The following DLGAP4 variants were observed in gnomAD, a reference collection of about 807,000 sequenced individuals.
The protein encoded by DLGAP4 is disks large-associated protein 4.
A neutral mutation model predicts 86.9 loss-of-function variants in DLGAP4; 18 were observed. The ratio of observed to expected loss-of-function variants is 0.21; its 90% CI spans 0.14 to 0.31. The LOEUF (loss-of-function observed/expected upper bound fraction) is 0.31. DLGAP4 is among the 10% of genes least tolerant of loss of function. The probability of loss-of-function intolerance (pLI) is 1.00; values close to 1 mark genes in which losing one functional copy is unlikely to be tolerated. For synonymous variants in DLGAP4, 548 were observed against 574.3 expected, an observed-to-expected ratio of 0.95 and a Z score of 0.65; for missense variants, 1,085 against 1,362.6, an observed-to-expected ratio of 0.80 and a Z score of 3.21.
At chr20:36,455,472 C>T (rs2033856445) in intron 7 of DLGAP4, among the ~76,000 whole-genome samples, 1 of 152,204 alleles carries the variant, frequency 6.6e-6, no homozygotes, top group African/African-American at 2.4e-5. Context: ...TGCAAGCACA[C>T]AGGCACACAC....
intron 10 of DLGAP4, among the ~76,000 whole-genome samples, chr20:36,519,386 T>G (rs1346130250): frequency 6.6e-6 from 1 of 152,170 alleles, no homozygotes; most frequent in Non-Finnish European, 1.5e-5. Context: ...ATGTTCCATG[T>G]GTGAGAAGTA....
intron 1 of DLGAP4, among the ~76,000 whole-genome samples, chr20:36,330,170 A>G (rs142037976): frequency 9.3e-4 from 142 of 152,328 alleles, no homozygotes; most frequent in African/African-American, 3.4e-3. Flanking sequence ...CAAGAAAAAA[A>G]TGACAATTAA....
Position 36,393,571 on chromosome 20 carries a change from C to T in DLGAP4, c.-73+26296C>T, listed in dbSNP as rs1292063459. 6.6e-6 allele frequency among the ~76,000 whole-genome samples: 1 copy of T among 152,086 alleles called. No individual in the cohort carries two copies. The highest frequency in any genetic ancestry group is 1.5e-5 in the Non-Finnish European group (1 of 68,004). On this transcript the variant is annotated intron_variant, in intron 2 of 12. Transcript: ENST00000339266. This position sits in a 1 kb window ranked among gnomAD's most constrained non-coding sequence, Gnocchi z 4.4. ...CTCCACACCGAGCCCCTGGGGAGCA[C>T]AGGGAAGCGAGCCAGCCGCTGTGGA...
Position 36,368,601 on chromosome 20 carries a change from C to T in DLGAP4, c.-73+1326C>T, listed in dbSNP as rs904046909. ...GTCTGTTGTTGCGGCTGCAAATAGC[C>T]GTTGCTTTTGGCTGAGAAGCTGGTG... On this transcript the variant is annotated intron_variant, in intron 2 of 12. Transcript: ENST00000339266. Among the ~76,000 whole-genome samples, 7 of 152,128 alleles carry T rather than the reference C, an allele frequency of 4.6e-5. No individual in the cohort carries two copies. In the South Asian group the frequency reaches 8.3e-4, roughly 18 times the overall value.
rs576992731 is a variant in DLGAP4 at position 36,475,681 on chromosome 20, C to A, written c.1649-21024C>A. On this transcript the variant is annotated intron_variant, in intron 7 of 12. Transcript: ENST00000339266. ...GGCAGATTATTAACCAGCCCTTGCT[C>A]ACAAATACAGTTAACTCAAATCAGA... 5.3e-5 allele frequency among the ~76,000 whole-genome samples: 8 copies of A among 152,294 alleles called. No homozygotes were observed. In the East Asian group the frequency reaches 1.5e-3, roughly 29 times the overall value.
intron 9 of DLGAP4, among the ~76,000 whole-genome samples, 164 bp downstream of exon 9, chr20:36,499,840 G>A (rs539686608): frequency 9.1e-4 from 138 of 152,128 alleles, no homozygotes; most frequent in Non-Finnish European, 1.7e-3. Context: ...GGGCAGGGGC[G>A]GGCGGGTGGA....
chr20:36,347,931 C>T (rs1235899164), intron 1 of DLGAP4, among the ~76,000 whole-genome samples: 1 of 151,976 alleles, frequency 6.6e-6, no homozygotes, highest in Non-Finnish European at 1.5e-5. Context: ...CATTCAGAAC[C>T]TAGACTTCTT....
chr20:36,462,678 GGGGCAAGGGCTGGCGCTA>G, intron 7 of DLGAP4: 4 of 1,525,228 alleles, frequency 2.6e-6, no homozygotes, highest in Non-Finnish European at 3.5e-6. Flanking sequence ...GGTTGGCGCT[GGGGCAAGGGCTGGCGCTA>G]GGGCAAGGGG....
chr20:36,496,411 G>A (rs2035888772), intron 7 of DLGAP4, among the ~76,000 whole-genome samples: 1 of 152,198 alleles, frequency 6.6e-6, no homozygotes, highest in African/African-American at 2.4e-5. Flanking sequence ...CCTAGTACAT[G>A]CCCCTGCTGG....
intron 2 of DLGAP4, among the ~76,000 whole-genome samples, chr20:36,430,113 C>T (rs1423131167): frequency 6.6e-6 from 1 of 152,202 alleles, no homozygotes; most frequent in African/African-American, 2.4e-5. Context: ...GGCCCAGGCT[C>T]AGAAAAGGAA....
intron 3 of DLGAP4, among the ~76,000 whole-genome samples, chr20:36,435,738 C>T (rs1246565234): frequency 6.6e-6 from 1 of 152,236 alleles, no homozygotes; most frequent in African/African-American, 2.4e-5. Flanking sequence ...TTGCGTCCCT[C>T]AGGCCTGGTG....
At chr20:36,519,780 GGTTTGTTT>G (rs139402656) in intron 10 of DLGAP4, among the ~76,000 whole-genome samples, 165 of 151,934 alleles carry the variant, frequency 1.1e-3, no homozygotes, top group African/African-American at 3.7e-3. Context: ...TAGCTTTTGG[GGTTTGTTT>G]GTTTGTTTGT....
At chr20:36,522,700 T>C (rs1239539219) in intron 10 of DLGAP4, among the ~76,000 whole-genome samples, 1 of 152,104 alleles carries the variant, frequency 6.6e-6, no homozygotes, top group Non-Finnish European at 1.5e-5. Context: ...GTATTTTTAG[T>C]AGAGACAGGG....
chr20:36,432,235 G>T lies in DLGAP4; in HGVS notation c.518G>T (p.Gly173Val). ...GGTGGCAATGGCAGCAAGAAGGGTG[G>T]CATGGAGGACGGCAAGGGCCGGAGG... The part of the protein sequence containing the change: ...KVGGNGSKKG[G>V]MEDGKGRRAK... The change falls in exon 3 of 13, where the codon GGC becomes GTC. Residue 173 changes from glycine (G) to valine (V), a missense_variant. Gly to Val is a moderately radical substitution (Grantham distance 109, BLOSUM62 -3). This residue lies in a region of DLGAP4 where 1,082 missense variants were observed against 1,344.1 expected (regional missense o/e 0.81). Transcript: ENST00000339266. This position sits in a 1 kb window ranked among gnomAD's most constrained non-coding sequence, Gnocchi z 6.5. 1.2e-6 allele frequency: 2 copies of T among 1,613,926 alleles called. No individual in the cohort carries two copies. Among genetic ancestry groups the T allele is most frequent in the Non-Finnish European group, 1.7e-6 (2 of 1,179,964 alleles).
chr20:36,437,308 C>G (rs2033316169), intron 4 of DLGAP4, among the ~76,000 whole-genome samples: 1 of 152,202 alleles, frequency 6.6e-6, no homozygotes, highest in Admixed American at 6.5e-5. Context: ...TCATGAAAGC[C>G]ACACTCGGGT....
rs1433339355 is a variant in DLGAP4, at chr20:36,350,200, A to G, written c.-303-16845A>G. ...GGTGCCAAGCCTGGATCGTCCCCCG[A>G]GCTCAGCTTGCCCTTAGGCCCCCCA... is the stretch of plus-strand genomic sequence containing the variant. On this transcript the variant is annotated intron_variant, in intron 1 of 12. Transcript: ENST00000339266. The surrounding 1 kb of genome is among the most constrained non-coding windows in gnomAD (Gnocchi z 4.4). Among the ~76,000 whole-genome samples the G allele has an allele frequency of 6.6e-6, 1 of 152,158 alleles. No individual in the cohort carries two copies. The highest frequency in any genetic ancestry group is 2.4e-5 in the African/African-American group (1 of 41,428).
chr20:36,430,302 A>G (rs1036520597), intron 2 of DLGAP4, among the ~76,000 whole-genome samples: 8 of 152,162 alleles, frequency 5.3e-5, no homozygotes, highest in African/African-American at 1.9e-4. Flanking sequence ...TCTTTGCTTC[A>G]TCTCAATTGG....
intron 2 of DLGAP4, among the ~76,000 whole-genome samples, chr20:36,401,655 T>C (rs1413189796): frequency 6.6e-6 from 1 of 152,178 alleles, no homozygotes; most frequent in Admixed American, 6.5e-5. Flanking sequence ...TTGAATAAGA[T>C]AGGTCAGTCT....
chr20:36,498,910 A>T, intron 8 of DLGAP4: 1 of 271,940 alleles, frequency 3.7e-6, no homozygotes, highest in Non-Finnish European at 7.0e-6. Context: ...ACAGCTTTCC[A>T]CTTGGCCCTG....
Sources: allele counts gnomAD v4.1 joint callset (sites outside exome capture counted in the v4.1 genomes callset), GRCh38; gene constraint gnomAD v4.1.1; regional missense constraint gnomAD v4.1.1; non-coding constraint Gnocchi (gnomAD v3.1); transcripts MANE v1.5; gene names NCBI Gene and HGNC (gene_info 2026-07-23, HGNC 2026-07-21).